Variants in TTBK2 observed in about 807,000 individuals in gnomAD.
TTBK2 encodes tau-tubulin kinase 2.
TTBK2 carries 28 observed loss-of-function variants against 110.8 expected under a neutral mutation model. The observed-to-expected ratio is 0.25, with a 90% CI of 0.19 to 0.35. The LOEUF (loss-of-function observed/expected upper bound fraction) is 0.35. TTBK2 is among the 10% of genes least tolerant of loss of function. TTBK2 has a pLI of 1.00. For missense variants in TTBK2, 1,369 were observed against 1,500.3 expected, an observed-to-expected ratio of 0.91 and a Z score of 1.45; for synonymous variants, 532 against 527.3, an observed-to-expected ratio of 1.01 and a Z score of -0.12.
In TTBK2 at chr15:42,753,261, A is replaced by G. The variant is rs1417058232; in HGVS notation, c.1999-14T>C. 6.2e-7 allele frequency: 1 copy of G among 1,611,420 alleles called. No individual in the cohort carries two copies. Among genetic ancestry groups the G allele is most frequent in the African/African-American group, 1.3e-5 (1 of 74,900 alleles). ...AGGAATTGTAATCTGGAGAAGGGGA[A>G]GAAAAAATTAAAATGCAATTATGTA... On this transcript the variant is annotated splice_polypyrimidine_tract_variant and intron_variant, in intron 13 of 14. Transcript: ENST00000267890.
chr15:42,814,309 T>C (rs1285909569), intron 7 of TTBK2, among the ~76,000 whole-genome samples: 1 of 152,208 alleles, frequency 6.6e-6, no homozygotes, highest in Admixed American at 6.5e-5. Context: ...CAAGGCATGG[T>C]GGCTCATGCA....
chr15:42,864,802 G>C (rs1029073364), intron 3 of TTBK2, among the ~76,000 whole-genome samples: 2 of 152,060 alleles, frequency 1.3e-5, no homozygotes, highest in Non-Finnish European at 2.9e-5. Context: ...GAAGGAAAAA[G>C]TGAAGGCAAC....
At chr15:42,754,101 T>G (rs921880892) in intron 13 of TTBK2, among the ~76,000 whole-genome samples, 2 of 148,270 alleles carry the variant, frequency 1.3e-5, no homozygotes, top group Non-Finnish European at 3.0e-5. Context: ...TTTTTTTTTT[T>G]TGAGACACGG....
chr15:42,754,384 TTTTTA>T (rs1166983139), intron 13 of TTBK2, among the ~76,000 whole-genome samples: 13 of 151,794 alleles, frequency 8.6e-5, no homozygotes, highest in East Asian at 5.9e-4. Context: ...CCTGGCCAAT[TTTTTA>T]TTTTATTTTA....
At chr15:42,862,227 T>A (rs1894186706) in intron 3 of TTBK2, among the ~76,000 whole-genome samples, 2 of 152,096 alleles carry the variant, frequency 1.3e-5, no homozygotes, top group Non-Finnish European at 2.9e-5. Context: ...CCTCCCTAAT[T>A]CATTCTATGA....
At chr15:42,909,749 C>T (rs547373227) in intron 1 of TTBK2, among the ~76,000 whole-genome samples, 1 of 151,996 alleles carries the variant, frequency 6.6e-6, no homozygotes, top group East Asian at 1.9e-4. Context: ...TACATAAAGT[C>T]CAAAAATAAG....
chr15:42,753,340 T>C, intron 13 of TTBK2, 93 bp from the exon 14 acceptor site: 1 of 1,329,620 alleles, frequency 7.5e-7, no homozygotes, highest in Non-Finnish European at 1.0e-6. Flanking sequence ...TTCTAATTTA[T>C]AGGAAGAACA....
chr15:42,829,193 G>A (rs545389360), intron 5 of TTBK2, among the ~76,000 whole-genome samples: 21 of 152,058 alleles, frequency 1.4e-4, no homozygotes, highest in Admixed American at 4.6e-4. Context: ...ATCAGAAATC[G>A]GTCATTTCAC....
chr15:42,776,935 T>A, intron 12 of TTBK2, 96 bp downstream of exon 12: 1 of 1,354,430 alleles, frequency 7.4e-7, no homozygotes, highest in Admixed American at 1.8e-5. Context: ...TTTGAAAGAC[T>A]TTATGTAACA....
chr15:42,749,626 G>A (rs1430417537), intron 14 of TTBK2, among the ~76,000 whole-genome samples: 2 of 152,186 alleles, frequency 1.3e-5, no homozygotes, highest in Admixed American at 1.3e-4. Flanking sequence ...AAAGAGGTAG[G>A]TAGTAACTCT....
chr15:42,777,066 C>T lies in TTBK2; in HGVS notation c.1374G>A (p.Glu458=). 1.9e-6 allele frequency: 3 copies of T among 1,614,148 alleles called. No individual in the cohort carries two copies. The highest frequency in any genetic ancestry group is 2.5e-6 in the Non-Finnish European group (3 of 1,180,018). Residue 458 remains glutamate (E), a synonymous_variant, in exon 12 of 15, where the codon GAG becomes GAA. Coordinates refer to ENST00000267890, the MANE Select transcript of TTBK2 (RefSeq NM_173500.4). ...GGAACTTGTCAGTGTCTGGCTTTGG[C>T]TCCAGGGTCAGACGTTTTTCCAGCT... ...SFELEKRLTL[E]PKPDTDKFLE...
chr15:42,828,069 T>C, intron 5 of TTBK2, 37 bp from the exon 6 acceptor site: 2 of 1,444,786 alleles, frequency 1.4e-6, no homozygotes, highest in South Asian at 1.2e-5. Flanking sequence ...TACATTCTTA[T>C]AATACTTAGT....
intron 7 of TTBK2, among the ~76,000 whole-genome samples, chr15:42,812,309 T>C (rs1396320941): frequency 2.0e-5 from 3 of 151,924 alleles, no homozygotes; most frequent in African/African-American, 7.3e-5. Context: ...TACATTATAC[T>C]GTAATTGTTT....
rs142009016 is a variant in TTBK2, at chr15:42,798,439, A to C, written c.823-3638T>G. Among the ~76,000 whole-genome samples the C allele has an allele frequency of 8.5e-5, 13 of 152,330 alleles. No individual in the cohort carries two copies. In the East Asian group the frequency reaches 2.5e-3, roughly 29 times the overall value. On this transcript the variant is annotated intron_variant, in intron 9 of 14. Coordinates refer to ENST00000267890, the MANE Select transcript of TTBK2 (RefSeq NM_173500.4). ...ATTCTTAGAAAATACAAATTCACCT[A>C]CATTTAGAGTCTAAGTTTCTCAAAC...
chr15:42,899,102 C>T (rs2141184095), intron 1 of TTBK2, among the ~76,000 whole-genome samples: 1 of 152,236 alleles, frequency 6.6e-6, no homozygotes, highest in Middle Eastern at 3.4e-3. Flanking sequence ...AAGCATTCCT[C>T]CTACCTCAGC....
At chr15:42,746,991 G>T (rs144892072) in intron 14 of TTBK2, among the ~76,000 whole-genome samples, 3,569 of 149,012 alleles carry the variant, frequency 0.024, 153 homozygotes, top group African/African-American at 0.085. Context: ...TTTAAACAGG[G>T]TCTTGCTCTG....
chr15:42,747,578 A>G (rs993866720), intron 14 of TTBK2, among the ~76,000 whole-genome samples: 2 of 152,156 alleles, frequency 1.3e-5, no homozygotes, highest in African/African-American at 4.8e-5. Flanking sequence ...GCAGTTCACA[A>G]CAGGGTTCAC....
At position 42,775,332 on chromosome 15, in the gene TTBK2, C is replaced by T; in HGVS notation, c.1801G>A (p.Gly601Ser). The change falls in exon 13 of 15, where the codon GGT (glycine) becomes AGT (serine). Residue 601 changes from glycine (G) to serine (S), a missense_variant. Coordinates refer to ENST00000267890, the MANE Select transcript of TTBK2 (RefSeq NM_173500.4). ...ASPQDEKLQL[G>S]PWAENDHLKK... is the part of the protein sequence containing the mutation. The stretch of plus-strand genomic sequence containing the variant: ...AAATGATCATTTTCTGCCCAAGGAC[C>T]TAACTGGAGCTTTTCATCTTGAGGT... 6.2e-7 allele frequency: 1 copy of T among 1,614,210 alleles called. No individual in the cohort carries two copies. The highest frequency in any genetic ancestry group is 1.3e-5 in the African/African-American group (1 of 75,044).
At chr15:42,836,270 A>G (rs556850902) in intron 4 of TTBK2, among the ~76,000 whole-genome samples, 6 of 152,198 alleles carry the variant, frequency 3.9e-5, no homozygotes, top group Non-Finnish European at 7.3e-5. Flanking sequence ...TTTAAGGCAG[A>G]TATTATGTAA....
Sources: allele counts gnomAD v4.1 joint callset (sites outside exome capture counted in the v4.1 genomes callset), GRCh38; gene constraint gnomAD v4.1.1; transcripts MANE v1.5; gene names NCBI Gene and HGNC (gene_info 2026-07-23, HGNC 2026-07-21).